KCNIP4: variants seen among roughly 807,000 people sequenced by gnomAD.
KCNIP4 encodes the protein potassium voltage-gated channel interacting protein 4.
KCNIP4 carries 12 observed loss-of-function variants against 34.0 expected under a neutral mutation model. The ratio of observed to expected loss-of-function variants is 0.35; its 90% CI spans 0.23 to 0.57. The LOEUF (loss-of-function observed/expected upper bound fraction) is 0.57, where lower values mean the gene tolerates loss of function less well. Among genes scored for constraint, KCNIP4 ranks in the 20% least tolerant of loss-of-function variants. The pLI, the probability that KCNIP4 is intolerant of heterozygous loss-of-function variation, is 0.83. For missense variants in KCNIP4, 238 were observed against 311.7 expected, an observed-to-expected ratio of 0.76 and a Z score of 1.78; for synonymous variants, 124 against 102.2, an observed-to-expected ratio of 1.21 and a Z score of -1.29.
chr4:21,273,535 C>T (rs556089665), intron 1 of KCNIP4, among the ~76,000 whole-genome samples: 19 of 152,210 alleles, frequency 1.2e-4, no homozygotes, highest in Non-Finnish European at 1.9e-4. Context: ...TGGCTTGACT[C>T]ACTCCATAAT....
intron 1 of KCNIP4, among the ~76,000 whole-genome samples, chr4:20,939,247 C>A (rs890271241): frequency 6.6e-6 from 1 of 152,172 alleles, no homozygotes; most frequent in Non-Finnish European, 1.5e-5. Context: ...CCCAACTCTA[C>A]ATTCCTATTT....
chr4:21,400,990 G>A (rs1220651583), intron 1 of KCNIP4, among the ~76,000 whole-genome samples: 6 of 152,116 alleles, frequency 3.9e-5, no homozygotes, highest in South Asian at 2.1e-4. Flanking sequence ...GTGAAACCCC[G>A]TCTCTACTAA....
chr4:20,878,960 A>G (rs1449756181), intron 2 of KCNIP4, among the ~76,000 whole-genome samples: 1 of 152,198 alleles, frequency 6.6e-6, no homozygotes, highest in Non-Finnish European at 1.5e-5. Context: ...GTGGGGGATC[A>G]TTAAGCAGAG....
intron 1 of KCNIP4, among the ~76,000 whole-genome samples, chr4:21,226,896 C>T (rs1178318939): frequency 2.0e-5 from 3 of 152,036 alleles, no homozygotes; most frequent in Non-Finnish European, 4.4e-5. Flanking sequence ...ACCTTAGGTA[C>T]CCTTTCTGTA....
chr4:21,285,026 G>A (rs1763029614), intron 1 of KCNIP4, among the ~76,000 whole-genome samples: 1 of 151,940 alleles, frequency 6.6e-6, no homozygotes. Context: ...CCTTTTTCAG[G>A]CAGTGCCACA....
rs1318687393 is a variant in KCNIP4, at chr4:20,837,686, A to ATTTTTTTT, written c.288+12849_288+12856dup. Among the ~76,000 whole-genome samples, 32 of 117,396 alleles carry ATTTTTTTT rather than the reference A, an allele frequency of 2.7e-4. 1 individual carries two copies. Among genetic ancestry groups the ATTTTTTTT allele is most frequent in the African/African-American group, 1.0e-3 (31 of 29,878 alleles). The allele number at this position is 117,396 out of a possible 152,430, so 77.0% of individuals were successfully genotyped here. A position where few individuals can be genotyped will look rare whatever the true frequency, so the allele number is the denominator to read the frequency against. On this transcript the variant is annotated intron_variant, in intron 3 of 8. Transcript: ENST00000382152. The stretch of plus-strand genomic sequence containing the variant: ...GCTATATATATATATATATATATAT[A>ATTTTTTTT]TTTTTTTTTCCTTGGAGATGGAGTC...
At chr4:21,941,681 A>G (rs1024134373) in intron 1 of KCNIP4, among the ~76,000 whole-genome samples, 2 of 152,138 alleles carry the variant, frequency 1.3e-5, no homozygotes, top group African/African-American at 4.8e-5. Flanking sequence ...GGACAGGTAG[A>G]GGGAGAGAAG....
At chr4:21,761,260 T>A (rs1718029654) in intron 1 of KCNIP4, among the ~76,000 whole-genome samples, 1 of 151,476 alleles carries the variant, frequency 6.6e-6, no homozygotes. Flanking sequence ...ATCTATAACC[T>A]TTTCAACAAT....
intron 1 of KCNIP4, among the ~76,000 whole-genome samples, chr4:21,368,615 A>G (rs1048683828): frequency 6.8e-6 from 1 of 147,334 alleles, no homozygotes; most frequent in Non-Finnish European, 1.5e-5. Flanking sequence ...ATGTAGCCAA[A>G]TAGATGTAGG....
At chr4:21,515,387 C>T (rs752780346) in intron 1 of KCNIP4, among the ~76,000 whole-genome samples, 2 of 152,064 alleles carry the variant, frequency 1.3e-5, no homozygotes, top group Admixed American at 6.5e-5. Flanking sequence ...GCCTGTAATC[C>T]CAGCACTTTG....
intron 1 of KCNIP4, among the ~76,000 whole-genome samples, chr4:21,468,385 G>A (rs1477067567): frequency 2.0e-5 from 3 of 152,148 alleles, no homozygotes; most frequent in Non-Finnish European, 2.9e-5. Context: ...CCTCGGTACC[G>A]GAGCACAGCA....
At chr4:21,617,913 C>T (rs980307143) in intron 1 of KCNIP4, among the ~76,000 whole-genome samples, 2 of 152,138 alleles carry the variant, frequency 1.3e-5, no homozygotes, top group African/African-American at 4.8e-5. Context: ...TTTCAGGCCT[C>T]TGTGAGTTTG....
At chr4:20,787,208 A>G (rs1324848574) in intron 3 of KCNIP4, among the ~76,000 whole-genome samples, 1 of 152,172 alleles carries the variant, frequency 6.6e-6, no homozygotes, top group Non-Finnish European at 1.5e-5. Context: ...TACATCTCAA[A>G]AAGCAGTTTT....
intron 1 of KCNIP4, among the ~76,000 whole-genome samples, chr4:21,294,746 A>C (rs1014302072): frequency 2.6e-5 from 4 of 152,196 alleles, no homozygotes; most frequent in African/African-American, 7.2e-5. Flanking sequence ...TTTACTCATA[A>C]AATGAGGAAG....
At position 21,687,063 on chromosome 4, in the gene KCNIP4, G is replaced by A. The variant is rs528531409; in HGVS notation, c.61+261508C>T. ...AAATCATCATTCTCAGTAAACTATC[G>A]CAAGAACAAAAAACCAAACACCGCA... On this transcript the variant is annotated intron_variant, in intron 1 of 8. Coordinates refer to ENST00000382152, the MANE Select transcript of KCNIP4 (RefSeq NM_025221.6). 3.9e-3 allele frequency among the ~76,000 whole-genome samples: 566 copies of A among 144,392 alleles called. 2 individuals carry two copies. The highest frequency in any genetic ancestry group is 0.014 in the African/African-American group (529 of 38,756). The allele number at this position is 144,392 out of a possible 152,430, so 94.7% of individuals were successfully genotyped here.
intron 1 of KCNIP4, among the ~76,000 whole-genome samples, chr4:21,749,054 T>A (rs1017122736): frequency 6.6e-6 from 1 of 152,162 alleles, no homozygotes; most frequent in Non-Finnish European, 1.5e-5. Context: ...ATTCAGAATA[T>A]TAAATGTATA....
chr4:21,218,396 A>G (rs568519717), intron 1 of KCNIP4, among the ~76,000 whole-genome samples: 5 of 152,068 alleles, frequency 3.3e-5, no homozygotes, highest in African/African-American at 1.2e-4. Context: ...CTTTATTTTT[A>G]TTATCAGTAT....
intron 1 of KCNIP4, among the ~76,000 whole-genome samples, chr4:21,859,165 T>C (rs1179415817): frequency 6.6e-6 from 1 of 152,166 alleles, no homozygotes; most frequent in Non-Finnish European, 1.5e-5. Context: ...TTCCAGCAAC[T>C]TGCCACAAGT....
intron 1 of KCNIP4, among the ~76,000 whole-genome samples, chr4:21,329,505 C>A (rs1313953266): frequency 6.6e-6 from 1 of 152,144 alleles, no homozygotes; most frequent in African/African-American, 2.4e-5. Flanking sequence ...GAGGTTATTT[C>A]TTTCAAGAAC....
Sources: gnomAD v4.1 joint callset for allele counts (sites outside exome capture counted in the v4.1 genomes callset) on GRCh38, gnomAD v4.1.1 for gene constraint, MANE v1.5 for transcripts, NCBI Gene and HGNC (gene_info 2026-07-23, HGNC 2026-07-21) for gene names.